PRKCE: variants seen among roughly 807,000 people sequenced by gnomAD.
PRKCE encodes the protein protein kinase C epsilon type.
PRKCE carries 16 observed loss-of-function variants against 85.4 expected under a neutral mutation model. The observed-to-expected ratio is 0.19, with a 90% CI of 0.13 to 0.28. PRKCE has a LOEUF of 0.28. Among genes scored for constraint, PRKCE ranks in the 10% least tolerant of loss-of-function variants. The pLI is 1.00. For missense variants in PRKCE, 573 were observed against 975.2 expected (o/e 0.59, Z 5.49); for synonymous variants, 388 against 371.5 (o/e 1.04, Z -0.51).
At chr2:46,096,773 A>G (rs1670725538) in intron 11 of PRKCE, among the ~76,000 whole-genome samples, 1 of 152,208 alleles carries the variant, frequency 6.6e-6, no homozygotes, top group Admixed American at 6.5e-5. Flanking sequence ...CCTCAGTTCA[A>G]GTCCTAGTAT....
intron 8 of PRKCE, 33 bp from the exon 9 acceptor site, chr2:46,007,429 A>G (rs10188306): frequency 0.2 from 318,538 of 1,594,478 alleles, 33,923 homozygotes; most frequent in African/African-American, 0.31. Flanking sequence ...AGAGGTATGC[A>G]CTAATGCAAT....
At chr2:45,692,393 C>T (rs1249934884) in intron 1 of PRKCE, among the ~76,000 whole-genome samples, 1 of 152,104 alleles carries the variant, frequency 6.6e-6, no homozygotes, top group African/African-American at 2.4e-5. Context: ...CCGCTCTGCT[C>T]CCTGCTCTGC....
At chr2:46,154,080 C>T (rs559404793) in intron 13 of PRKCE, among the ~76,000 whole-genome samples, 2 of 152,238 alleles carry the variant, frequency 1.3e-5, no homozygotes, top group South Asian at 2.1e-4. Flanking sequence ...CCTCCACGCC[C>T]GGCCTGGGTA....
At position 46,001,166 on chromosome 2, in the gene PRKCE, AAGGATGG is replaced by A. The variant is rs1342053199; in HGVS notation, c.824-237_824-231del. 2.0e-5 allele frequency among the ~76,000 whole-genome samples: 3 copies of A among 152,044 alleles called. No individual in the cohort carries two copies. Among genetic ancestry groups the A allele is most frequent in the African/African-American group, 7.3e-5 (3 of 41,372 alleles). ...TATCTATATTTAGGGTATACGTAGA[AAGGATGG>A]CTGGAATGAAGTACTAGAAACAGTG... On this transcript the variant is annotated intron_variant, in intron 6 of 14. Transcript: ENST00000306156. The surrounding 1 kb of genome is among the most constrained non-coding windows in gnomAD (Gnocchi z 4.4).
At chr2:45,994,206 C>T (rs2104673636) in intron 6 of PRKCE, among the ~76,000 whole-genome samples, 1 of 152,318 alleles carries the variant, frequency 6.6e-6, no homozygotes, top group Non-Finnish European at 1.5e-5. Flanking sequence ...CCTTCTGCCT[C>T]CACACATGCA....
chr2:46,007,742 G>C, intron 9 of PRKCE, 81 bp downstream of exon 9: 1 of 1,443,622 alleles, frequency 6.9e-7, no homozygotes, highest in Admixed American at 2.1e-5. Flanking sequence ...AAGATTGAGA[G>C]AGGAACCTTT....
intron 2 of PRKCE, among the ~76,000 whole-genome samples, chr2:45,934,890 A>C (rs1259565485): frequency 2.1e-5 from 1 of 47,548 alleles, no homozygotes. Context: ...ATGTCTCTAC[A>C]AAAAAAAAAA....
intron 1 of PRKCE, among the ~76,000 whole-genome samples, chr2:45,668,160 G>A (rs1220286058): frequency 1.3e-5 from 2 of 152,144 alleles, no homozygotes; most frequent in African/African-American, 4.8e-5. Flanking sequence ...GGCCAACATG[G>A]AGAAACCCCG....
chr2:46,167,695 G>A (rs1393746330), intron 14 of PRKCE: 1 of 152,162 alleles, frequency 6.6e-6, no homozygotes, highest in Non-Finnish European at 1.5e-5. Context: ...AGCCCTTTTT[G>A]CCTCTTAGGA....
intron 1 of PRKCE, among the ~76,000 whole-genome samples, chr2:45,817,009 T>C (rs865785468): frequency 1.9e-4 from 29 of 151,600 alleles, no homozygotes; most frequent in Admixed American, 3.9e-4. Context: ...ACACAGAACA[T>C]TGGGGACAAA....
At chr2:45,984,406 C>A in intron 5 of PRKCE, 145 bp from the exon 6 acceptor site, 1 of 1,153,454 alleles carries the variant, frequency 8.7e-7, no homozygotes, top group Non-Finnish European at 1.2e-6. Flanking sequence ...CTTTTCACCT[C>A]AGGGCAGCTT....
At chr2:46,009,241 TTCTTTTCAATAGAA>T (rs1439020916) in intron 9 of PRKCE, among the ~76,000 whole-genome samples, 1 of 152,210 alleles carries the variant, frequency 6.6e-6, no homozygotes. Context: ...AGATACATGA[TTCTTTTCAATAGAA>T]TAAAATAACA....
chr2:45,892,398 C>CT (rs954838091), intron 2 of PRKCE, among the ~76,000 whole-genome samples: 7 of 151,250 alleles, frequency 4.6e-5, no homozygotes, highest in African/African-American at 7.3e-5. Context: ...TTGATACTTT[C>CT]TTTTTTTTTC....
intron 1 of PRKCE, among the ~76,000 whole-genome samples, chr2:45,812,259 C>T (rs1278831003): frequency 6.6e-6 from 1 of 152,214 alleles, no homozygotes; most frequent in Non-Finnish European, 1.5e-5. Context: ...TAAAGCATCG[C>T]TCAAATGTAA....
At chr2:46,093,530 C>CTTT (rs56905063) in intron 11 of PRKCE, among the ~76,000 whole-genome samples, 1 of 131,476 alleles carries the variant, frequency 7.6e-6, no homozygotes, top group Non-Finnish European at 1.6e-5. Flanking sequence ...TTGTACTTTT[C>CTTT]TTTTTTTTTT....
chr2:45,933,506 C>T, intron 2 of PRKCE, among the ~76,000 whole-genome samples: 1 of 127,174 alleles, frequency 7.9e-6, no homozygotes, highest in Admixed American at 9.4e-5. Context: ...CTGAGTCTCG[C>T]TCTGCCGCCC....
chr2:45,936,114 C>A (rs765551361), intron 2 of PRKCE, among the ~76,000 whole-genome samples: 9 of 152,152 alleles, frequency 5.9e-5, no homozygotes, highest in Non-Finnish European at 1.0e-4. Flanking sequence ...CCTAGGAGGG[C>A]AGGCACTGAG....
chr2:45,802,158 T>C (rs1424017860), intron 1 of PRKCE, among the ~76,000 whole-genome samples: 2 of 151,082 alleles, frequency 1.3e-5, no homozygotes, highest in African/African-American at 4.9e-5. Context: ...TAGTCTCAGC[T>C]GCTTGGAAGG....
At chr2:45,926,099 C>T (rs920807489) in intron 2 of PRKCE, among the ~76,000 whole-genome samples, 1 of 152,170 alleles carries the variant, frequency 6.6e-6, no homozygotes, top group Non-Finnish European at 1.5e-5. Context: ...GGGGGACTTG[C>T]ATCTCACAGA....
Sources: gnomAD v4.1 joint callset for allele counts (sites outside exome capture counted in the v4.1 genomes callset) on GRCh38, gnomAD v4.1.1 for gene constraint, Gnocchi (gnomAD v3.1) non-coding constraint, MANE v1.5 for transcripts, NCBI Gene and HGNC (gene_info 2026-07-23, HGNC 2026-07-21) for gene names.